MIPEP: variants seen among roughly 807,000 people sequenced by gnomAD.
MIPEP encodes the protein mitochondrial intermediate peptidase.
Under a neutral mutation model 90.3 loss-of-function variants are expected in MIPEP, and 79 were observed. The observed-to-expected ratio is 0.87, with a 90% CI of 0.73 to 1.05. The LOEUF (loss-of-function observed/expected upper bound fraction) is 1.05. MIPEP is among the 50% of genes least tolerant of loss of function. The pLI, the probability that MIPEP is intolerant of heterozygous loss-of-function variation, is 0.00. For missense variants in MIPEP, 940 were observed against 905.6 expected, an observed-to-expected ratio of 1.04 and a Z score of -0.49; for synonymous variants, 334 against 315.8, an observed-to-expected ratio of 1.06 and a Z score of -0.61.
At chr13:23,875,337 A>C (rs1871024094) in intron 4 of MIPEP, among the ~76,000 whole-genome samples, 1 of 152,062 alleles carries the variant, frequency 6.6e-6, no homozygotes, top group South Asian at 2.1e-4. Flanking sequence ...AAAACATAAA[A>C]CAGTTTTATA....
At chr13:23,751,393 C>A (rs9553049) in intron 18 of MIPEP, among the ~76,000 whole-genome samples, 1 of 152,008 alleles carries the variant, frequency 6.6e-6, no homozygotes, top group African/African-American at 2.4e-5. Context: ...CAGTCTGATG[C>A]GAAAAAACAA....
chr13:23,787,804 G>C (rs1323226301), intron 16 of MIPEP, among the ~76,000 whole-genome samples: 1 of 152,142 alleles, frequency 6.6e-6, no homozygotes, highest in Non-Finnish European at 1.5e-5. Context: ...AAAGAATTTA[G>C]GCTCTAGGGA....
intron 18 of MIPEP, among the ~76,000 whole-genome samples, chr13:23,736,970 C>T (rs529834118): frequency 6.6e-6 from 1 of 152,286 alleles, no homozygotes; most frequent in African/African-American, 2.4e-5. Flanking sequence ...TGATATATTG[C>T]CTCATGCCCC....
At chr13:23,732,510 C>T (rs574388552) in intron 18 of MIPEP, among the ~76,000 whole-genome samples, 1 of 152,128 alleles carries the variant, frequency 6.6e-6, no homozygotes, top group Admixed American at 6.5e-5. Flanking sequence ...TTGAAACAAC[C>T]CAAGTTTCTA....
chr13:23,825,182 G>A (rs1953351329), intron 14 of MIPEP, among the ~76,000 whole-genome samples: 1 of 152,186 alleles, frequency 6.6e-6, no homozygotes, highest in Non-Finnish European at 1.5e-5. Flanking sequence ...GCCGGGCTCA[G>A]ATCCATCTCT....
At chr13:23,757,975 T>C (rs529014863) in intron 17 of MIPEP, among the ~76,000 whole-genome samples, 11 of 152,352 alleles carry the variant, frequency 7.2e-5, no homozygotes, top group African/African-American at 2.6e-4. Context: ...CTGGAGCCTC[T>C]TTACATGTGG....
At position 23,755,599 on chromosome 13, in the gene MIPEP, C is replaced by A. The variant is rs138606120; in HGVS notation, c.2044+946G>T. On this transcript the variant is annotated intron_variant, in intron 18 of 18. Coordinates refer to ENST00000382172, the MANE Select transcript of MIPEP (RefSeq NM_005932.4). Reference sequence around the variant, plus strand: ...CAAGCTCAGCTGCAAATATAACCATCAATATATTGCAATTATCTAGTAACA... The same window carrying A: ...CAAGCTCAGCTGCAAATATAACCATAAATATATTGCAATTATCTAGTAACA... Among the ~76,000 whole-genome samples the A allele has an allele frequency of 1.4e-4, 22 of 152,246 alleles. No homozygotes were observed. The East Asian group carries it at 4.2e-3, about 29-fold the overall frequency.
At chr13:23,859,674 G>C (rs1433396057) in intron 9 of MIPEP, among the ~76,000 whole-genome samples, 1 of 152,098 alleles carries the variant, frequency 6.6e-6, no homozygotes, top group East Asian at 1.9e-4. Context: ...CCTGGCCCAG[G>C]GTAGTCACTC....
intron 3 of MIPEP, among the ~76,000 whole-genome samples, 194 bp from the exon 4 acceptor site, chr13:23,879,548 C>A (rs1871199882): frequency 6.6e-6 from 1 of 151,762 alleles, no homozygotes; most frequent in Non-Finnish European, 1.5e-5. Flanking sequence ...ATTTTGGAGA[C>A]AGGGTCTCAC....
chr13:23,794,556 A>G (rs1952935872), intron 16 of MIPEP, among the ~76,000 whole-genome samples: 1 of 152,202 alleles, frequency 6.6e-6, no homozygotes, highest in South Asian at 2.1e-4. Flanking sequence ...TCTAAAAGAC[A>G]CATGTGCATC....
At chr13:23,838,584 A>T (rs1224602898) in intron 12 of MIPEP, among the ~76,000 whole-genome samples, 2 of 152,098 alleles carry the variant, frequency 1.3e-5, no homozygotes, top group Admixed American at 1.3e-4. Flanking sequence ...CTCCACAACA[A>T]CCCTATGTAG....
Position 23,760,226 on chromosome 13 carries a change from A to G in MIPEP, c.1849-9T>C. The G allele has an allele frequency of 6.2e-7, 1 of 1,614,052 alleles. No homozygotes were observed. Among genetic ancestry groups the G allele is most frequent in the African/African-American group, 1.3e-5 (1 of 75,034 alleles). ...AATCGCAGCTGCCAGGCCTGCCAAG[A>G]ACAGAGAGACACAGCACGGGACACA... On this transcript the variant is annotated splice_polypyrimidine_tract_variant and intron_variant, in intron 16 of 18. Coordinates refer to ENST00000382172, the MANE Select transcript of MIPEP (RefSeq NM_005932.4).
intron 11 of MIPEP, 61 bp from the exon 12 acceptor site, chr13:23,839,787 A>C (rs1346417396): frequency 8.2e-7 from 1 of 1,213,990 alleles, no homozygotes; most frequent in Non-Finnish European, 1.2e-6. Context: ...AAAATCCCTA[A>C]CACAAGAATC....
intron 16 of MIPEP, among the ~76,000 whole-genome samples, chr13:23,769,514 G>A (rs1952627470): frequency 6.6e-6 from 1 of 152,212 alleles, no homozygotes; most frequent in Non-Finnish European, 1.5e-5. Context: ...ATGGGAAGGA[G>A]TCCAAGGGCA....
chr13:23,766,082 G>A (rs1952589266), intron 16 of MIPEP: 2 of 152,180 alleles, frequency 1.3e-5, no homozygotes, highest in Non-Finnish European at 2.9e-5. Flanking sequence ...GGATTCTTTT[G>A]AGCATCTACC....
At chr13:23,739,352 T>C (rs1053353437) in intron 18 of MIPEP, among the ~76,000 whole-genome samples, 4 of 152,238 alleles carry the variant, frequency 2.6e-5, no homozygotes, top group Non-Finnish European at 5.9e-5. Context: ...GGCAGTCCTT[T>C]TATTTAAAAA....
rs1403333737 is a variant in MIPEP, at chr13:23,885,650, T to A, written c.363+683A>T. Among the ~76,000 whole-genome samples, 6 of 151,476 alleles carry A rather than the reference T, an allele frequency of 4.0e-5. No homozygotes were observed. In the East Asian group the frequency reaches 1.2e-3, roughly 29 times the overall value. ...ATGGATTTCCTAGTTGCTGAAGAGA[T>A]CTAGGTATACACTTCTATTTCAAAT... On this transcript the variant is annotated intron_variant, in intron 2 of 18. Transcript: ENST00000382172.
At chr13:23,854,736 A>G (rs1454794634) in intron 10 of MIPEP, among the ~76,000 whole-genome samples, 1 of 152,026 alleles carries the variant, frequency 6.6e-6, no homozygotes, top group Non-Finnish European at 1.5e-5. Context: ...TACTAAAAAT[A>G]CAAAAATTAG....
At chr13:23,769,202 G>T (rs538454157) in intron 16 of MIPEP, among the ~76,000 whole-genome samples, 1 of 152,310 alleles carries the variant, frequency 6.6e-6, no homozygotes, top group African/African-American at 2.4e-5. Flanking sequence ...GACGTCCATG[G>T]TCAGGAGAGT....
Sources: allele counts gnomAD v4.1 joint callset (sites outside exome capture counted in the v4.1 genomes callset), GRCh38; gene constraint gnomAD v4.1.1; transcripts MANE v1.5; gene names NCBI Gene and HGNC (gene_info 2026-07-23, HGNC 2026-07-21).